The following CSMD1 variants were observed in gnomAD, a reference collection of about 807,000 sequenced individuals.
CSMD1 encodes CUB and Sushi multiple domains 1, also known as CUB and sushi domain-containing protein 1.
Under a neutral mutation model 417.5 loss-of-function variants are expected in CSMD1, and 213 were observed. The observed-to-expected ratio is 0.51, with a 90% CI of 0.46 to 0.57. The LOEUF (loss-of-function observed/expected upper bound fraction) is 0.57. CSMD1 is among the 20% of genes least tolerant of loss of function. CSMD1 has a pLI of 0.00. For missense variants in CSMD1, 6,923 were observed against 4,529.7 expected, an observed-to-expected ratio of 1.53 and a Z score of -15.17; for synonymous variants, 2,862 against 1,736.8, an observed-to-expected ratio of 1.65 and a Z score of -16.11.
chr8:3,574,855 G>T (rs558643683), intron 10 of CSMD1, 90 bp downstream of exon 10: 5 of 1,416,652 alleles, frequency 3.5e-6, no homozygotes, highest in Non-Finnish European at 4.8e-6. Context: ...GTGTAAGCAC[G>T]GATAGCATTT....
intron 2 of CSMD1, among the ~76,000 whole-genome samples, chr8:4,597,450 T>A (rs1800349336): frequency 6.6e-6 from 1 of 152,150 alleles, no homozygotes; most frequent in African/African-American, 2.4e-5. Flanking sequence ...TGTAAACGAA[T>A]GCTTTGAATT....
chr8:3,537,416 C>T (rs1191176343), intron 10 of CSMD1, among the ~76,000 whole-genome samples: 1 of 152,168 alleles, frequency 6.6e-6, no homozygotes, highest in Non-Finnish European at 1.5e-5. Context: ...ACAAATACTA[C>T]ACCTGTTGCA....
chr8:4,159,059 G>C lies in CSMD1; in HGVS notation c.416-126960C>G, dbSNP rs1215023946. 4.6e-5 allele frequency among the ~76,000 whole-genome samples: 7 copies of C among 152,036 alleles called. No homozygotes were observed. In the East Asian group the frequency reaches 5.8e-4, roughly 13 times the overall value. ...GCCTCCATAGTAACTGGGATTACAG[G>C]CTTGCACCACCAGGCCCAGCTAATT... On this transcript the variant is annotated intron_variant, in intron 3 of 69. Transcript: ENST00000635120.
At chr8:4,867,888 G>A (rs1802509997) in intron 1 of CSMD1, among the ~76,000 whole-genome samples, 1 of 151,938 alleles carries the variant, frequency 6.6e-6, no homozygotes, top group African/African-American at 2.4e-5. Flanking sequence ...TAAATATGTT[G>A]CCACAAGACA....
intron 1 of CSMD1, among the ~76,000 whole-genome samples, chr8:4,888,446 T>A (rs1296474413): frequency 6.6e-6 from 1 of 151,958 alleles, no homozygotes; most frequent in Admixed American, 6.6e-5. Flanking sequence ...GATATACATA[T>A]ATATTGTTTT....
chr8:4,754,300 G>T (rs939201334), intron 1 of CSMD1, among the ~76,000 whole-genome samples: 8 of 152,122 alleles, frequency 5.3e-5, no homozygotes, highest in Admixed American at 1.3e-4. Flanking sequence ...CTGTTACCCG[G>T]TAGAGAAAGT....
Position 3,985,251 on chromosome 8 carries a change from T to C in CSMD1, c.818+12652A>G, listed in dbSNP as rs147265052. ...GGTTATAAATTGAAGTCCCATTTCA[T>C]GCTTTACAAATTTCCCACACCATGC... On this transcript the variant is annotated intron_variant, in intron 5 of 69. Transcript: ENST00000635120. 1.4e-4 allele frequency among the ~76,000 whole-genome samples: 21 copies of C among 152,336 alleles called. No individual in the cohort carries two copies. In the East Asian group the frequency reaches 3.5e-3, roughly 25 times the overall value.
chr8:4,781,668 T>C (rs937917942), intron 1 of CSMD1, among the ~76,000 whole-genome samples: 1 of 152,174 alleles, frequency 6.6e-6, no homozygotes, highest in Non-Finnish European at 1.5e-5. Flanking sequence ...AACTGTAAAA[T>C]GGTATCGGTC....
At chr8:4,532,627 T>A (rs965528232) in intron 2 of CSMD1, among the ~76,000 whole-genome samples, 2 of 139,150 alleles carry the variant, frequency 1.4e-5, no homozygotes, top group South Asian at 2.4e-4. Context: ...TCAGAGTCAC[T>A]CTGGAAGAGA....
chr8:4,207,045 T>C (rs916926810), intron 3 of CSMD1, among the ~76,000 whole-genome samples: 1 of 152,212 alleles, frequency 6.6e-6, no homozygotes, highest in African/African-American at 2.4e-5. Context: ...TATACCTATT[T>C]TTCTATTTAC....
chr8:4,117,749 A>G (rs1428319653), intron 3 of CSMD1, among the ~76,000 whole-genome samples: 4 of 152,170 alleles, frequency 2.6e-5, no homozygotes, highest in African/African-American at 9.7e-5. Context: ...TAGATGTCAA[A>G]TAGATATTCA....
At chr8:4,654,522 G>A (rs572060061) in intron 1 of CSMD1, among the ~76,000 whole-genome samples, 23 of 152,156 alleles carry the variant, frequency 1.5e-4, no homozygotes, top group East Asian at 3.9e-4. Flanking sequence ...TACTTCTTAC[G>A]TTTGCTGAGA....
chr8:3,264,246 G>C (rs1479091940), intron 26 of CSMD1, among the ~76,000 whole-genome samples: 1 of 152,146 alleles, frequency 6.6e-6, no homozygotes, highest in Non-Finnish European at 1.5e-5. Flanking sequence ...GAATTCACCA[G>C]TTCTTTATTA....
intron 10 of CSMD1, among the ~76,000 whole-genome samples, chr8:3,563,012 A>G (rs1799536253): frequency 6.6e-6 from 1 of 152,242 alleles, no homozygotes; most frequent in African/African-American, 2.4e-5. Context: ...GAAGTCAAAG[A>G]GAAAGTAGAA....
At chr8:3,593,138 G>C (rs975014955) in intron 8 of CSMD1, among the ~76,000 whole-genome samples, 2 of 152,234 alleles carry the variant, frequency 1.3e-5, no homozygotes, top group Non-Finnish European at 2.9e-5. Flanking sequence ...TGGAGCTGTG[G>C]TGATAAGTGT....
intron 1 of CSMD1, among the ~76,000 whole-genome samples, chr8:4,907,437 A>G (rs974214560): frequency 6.6e-6 from 1 of 152,220 alleles, no homozygotes. Context: ...AAATACATAA[A>G]TATCCTAAAC....
intron 5 of CSMD1, among the ~76,000 whole-genome samples, chr8:3,780,374 C>T (rs976065850): frequency 5.3e-5 from 8 of 152,262 alleles, no homozygotes; most frequent in Middle Eastern, 3.4e-3. Flanking sequence ...AATCAAGAGG[C>T]GGCCTGGTCC....
At chr8:4,774,731 G>T (rs1013719382) in intron 1 of CSMD1, among the ~76,000 whole-genome samples, 1 of 152,098 alleles carries the variant, frequency 6.6e-6, no homozygotes, top group Non-Finnish European at 1.5e-5. Flanking sequence ...CCATGCCTTT[G>T]TTGCTATTCT....
rs1029004293 is a variant in CSMD1, at chr8:4,971,870, C to A, written c.85+22462G>T. On this transcript the variant is annotated intron_variant, in intron 1 of 69. Coordinates refer to ENST00000635120, the MANE Select transcript of CSMD1 (RefSeq NM_033225.6). The stretch of plus-strand genomic sequence containing the variant: ...AATTCAGGAAGAAATGGACTGTAAT[C>A]CCCTTTTAGCTCAGAAATAGTAGTA... Among the ~76,000 whole-genome samples the A allele has an allele frequency of 3.3e-5, 5 of 152,074 alleles. No individual in the cohort carries two copies. In the South Asian group the frequency reaches 8.3e-4, roughly 25 times the overall value.
Sources: gnomAD v4.1 joint callset for allele counts (sites outside exome capture counted in the v4.1 genomes callset) on GRCh38, gnomAD v4.1.1 for gene constraint, MANE v1.5 for transcripts, NCBI Gene and HGNC (gene_info 2026-07-23, HGNC 2026-07-21) for gene names.